Variants in CDH13 observed in about 807,000 individuals in gnomAD.
The protein encoded by CDH13 is cadherin-13.
Under a neutral mutation model 63.8 loss-of-function variants are expected in CDH13, and 24 were observed. The ratio of observed to expected loss-of-function variants is 0.38; its 90% CI spans 0.27 to 0.53. The LOEUF is 0.53. CDH13 is among the 20% of genes least tolerant of loss of function. CDH13 has a pLI of 0.85. For missense variants in CDH13, 1,049 were observed against 903.1 expected (o/e 1.16, Z -2.07); for synonymous variants, 503 against 355.3 (o/e 1.42, Z -4.67).
chr16:83,350,147 G>T (rs1262831959), intron 6 of CDH13, among the ~76,000 whole-genome samples: 1 of 152,190 alleles, frequency 6.6e-6, no homozygotes, highest in Non-Finnish European at 1.5e-5. Flanking sequence ...GGATCCATCA[G>T]CTCCAATATC....
chr16:83,744,216 T>A (rs970912227), intron 10 of CDH13, among the ~76,000 whole-genome samples: 4 of 152,146 alleles, frequency 2.6e-5, no homozygotes, highest in African/African-American at 9.7e-5. Flanking sequence ...GGCAGAGCCG[T>A]CAGGGCCCGT....
chr16:83,591,210 G>C (rs1292134920), intron 7 of CDH13, among the ~76,000 whole-genome samples: 6 of 152,020 alleles, frequency 3.9e-5, no homozygotes, highest in African/African-American at 1.4e-4. Context: ...CACCCAGCTG[G>C]ACAAGCACTT....
At chr16:83,277,446 G>A (rs1198288338) in intron 5 of CDH13, among the ~76,000 whole-genome samples, 1 of 152,082 alleles carries the variant, frequency 6.6e-6, no homozygotes, top group Non-Finnish European at 1.5e-5. Context: ...AGATTCCTAG[G>A]TACAATTCAG....
chr16:82,739,975 C>G (rs2033856862), intron 1 of CDH13, among the ~76,000 whole-genome samples: 1 of 152,152 alleles, frequency 6.6e-6, no homozygotes, highest in Non-Finnish European at 1.5e-5. Context: ...CTAATTATCC[C>G]TTAATTTGCA....
chr16:82,843,243 C>A (rs528733841), intron 1 of CDH13, among the ~76,000 whole-genome samples: 1 of 152,308 alleles, frequency 6.6e-6, no homozygotes, highest in South Asian at 2.1e-4. Context: ...TGTATATTGT[C>A]TTGGCACTGA....
Position 82,895,578 on chromosome 16 carries a change from G to A in CDH13, c.157+37105G>A, listed in dbSNP as rs150685854. Among the ~76,000 whole-genome samples the A allele has an allele frequency of 1.1e-4, 16 of 152,140 alleles. No homozygotes were observed. The East Asian group carries it at 2.9e-3, about 28-fold the overall frequency. Reference sequence around the variant, plus strand: ...TCAGGGTTCACTCTTAATATTATGCGCTGTATGGGTTGGGATAAATGACAT... The same window carrying A: ...TCAGGGTTCACTCTTAATATTATGCACTGTATGGGTTGGGATAAATGACAT... On this transcript the variant is annotated intron_variant, in intron 2 of 13. Transcript: ENST00000567109.
chr16:82,751,858 T>A (rs2034431378), intron 1 of CDH13, among the ~76,000 whole-genome samples: 1 of 152,146 alleles, frequency 6.6e-6, no homozygotes, highest in Admixed American at 6.6e-5. Context: ...GAAATGTGGA[T>A]CCTCCCGCAG....
chr16:83,688,646 T>C (rs544009561), intron 10 of CDH13, among the ~76,000 whole-genome samples: 1 of 152,194 alleles, frequency 6.6e-6, no homozygotes, highest in Non-Finnish European at 1.5e-5. Context: ...ATTTTTTTCT[T>C]TTTTAAGTCA....
chr16:83,384,356 G>T (rs2091630655), intron 6 of CDH13, among the ~76,000 whole-genome samples: 1 of 152,222 alleles, frequency 6.6e-6, no homozygotes, highest in Admixed American at 6.5e-5. Context: ...GCAGGCACTG[G>T]TCCTTCCTTT....
intron 4 of CDH13, among the ~76,000 whole-genome samples, chr16:83,175,921 C>A (rs1469171380): frequency 6.7e-6 from 1 of 150,056 alleles, no homozygotes; most frequent in Admixed American, 6.6e-5. Context: ...CTCCGCTTCC[C>A]AGGTTCAAGC....
At chr16:82,835,783 G>A (rs1055268487) in intron 1 of CDH13, among the ~76,000 whole-genome samples, 1 of 152,168 alleles carries the variant, frequency 6.6e-6, no homozygotes, top group African/African-American at 2.4e-5. Flanking sequence ...CAATCCATAT[G>A]CATGTTTGCC....
At chr16:83,499,040 AG>A (rs2074212314) in intron 7 of CDH13, among the ~76,000 whole-genome samples, 1 of 152,208 alleles carries the variant, frequency 6.6e-6, no homozygotes, top group African/African-American at 2.4e-5. Flanking sequence ...TTTTTGATGC[AG>A]AAGTTTCTTG....
At chr16:83,367,894 A>G (rs779479588) in intron 6 of CDH13, among the ~76,000 whole-genome samples, 3 of 152,168 alleles carry the variant, frequency 2.0e-5, no homozygotes, top group East Asian at 1.9e-4. Flanking sequence ...CAGCTTAACA[A>G]TATTGAGTCT....
chr16:83,077,167 C>G (rs370692077), intron 3 of CDH13, among the ~76,000 whole-genome samples: 11 of 100,998 alleles, frequency 1.1e-4, no homozygotes, highest in Admixed American at 3.9e-4. Flanking sequence ...TCTTTCTTTT[C>G]TTTTCTTTTT....
chr16:83,659,953 A>C (rs943797776), intron 8 of CDH13, among the ~76,000 whole-genome samples: 1 of 151,666 alleles, frequency 6.6e-6, no homozygotes, highest in Non-Finnish European at 1.5e-5. Flanking sequence ...CACCCAGCTA[A>C]TTTTTGTATT....
At chr16:82,640,022 G>A (rs769651602) in intron 1 of CDH13, among the ~76,000 whole-genome samples, 12 of 152,256 alleles carry the variant, frequency 7.9e-5, no homozygotes, top group Non-Finnish European at 1.6e-4. Context: ...GGAGGCAGCA[G>A]TGATTAAGAA....
chr16:82,634,766 A>G (rs764787103), intron 1 of CDH13, among the ~76,000 whole-genome samples: 1 of 152,206 alleles, frequency 6.6e-6, no homozygotes, highest in Admixed American at 6.5e-5. Flanking sequence ...GTCTTCTCAA[A>G]TAAGAGGGGC....
chr16:82,879,593 T>C (rs2040623439), intron 2 of CDH13, among the ~76,000 whole-genome samples: 1 of 142,016 alleles, frequency 7.0e-6, no homozygotes, highest in Admixed American at 7.2e-5. Flanking sequence ...ATATATTATA[T>C]TTATATGTAA....
At chr16:82,848,687 C>G (rs1246258616) in intron 1 of CDH13, among the ~76,000 whole-genome samples, 2 of 151,984 alleles carry the variant, frequency 1.3e-5, no homozygotes, top group African/African-American at 4.8e-5. Context: ...TCATCTGTCT[C>G]CTTCTCCTCC....
Sources: allele counts gnomAD v4.1 joint callset (sites outside exome capture counted in the v4.1 genomes callset), GRCh38; gene constraint gnomAD v4.1.1; transcripts MANE v1.5; gene names NCBI Gene and HGNC (gene_info 2026-07-23, HGNC 2026-07-21).